Variants in ZNF354A observed in about 807,000 individuals in gnomAD.
The protein encoded by ZNF354A is epididymis luminal protein 104.
ZNF354A carries 25 observed loss-of-function variants against 53.3 expected under a neutral mutation model. The observed-to-expected ratio is 0.47, with a 90% confidence interval of 0.34 to 0.66. ZNF354A has a LOEUF of 0.66. ZNF354A is among the 30% of genes least tolerant of loss of function. The pLI, the probability that ZNF354A is intolerant of heterozygous loss-of-function variation, is 0.01. For synonymous variants in ZNF354A, 228 were observed against 249.0 expected (o/e 0.92, Z 0.79); for missense variants, 586 against 716.8 (o/e 0.82, Z 2.08).
intron 4 of ZNF354A, among the ~76,000 whole-genome samples, chr5:178,723,024 T>A (rs1024170274): frequency 6.6e-6 from 1 of 152,026 alleles, no homozygotes; most frequent in Non-Finnish European, 1.5e-5. Context: ...CATGACACAC[T>A]GCAGGGCGGC....
Position 178,717,876 on chromosome 5 carries a change from G to GAA in ZNF354A, c.257-4256_257-4255insTT, listed in dbSNP as rs1469387807. ...GAGGACTAAAAACTTAATCCTGATT[G>GAA]TGGCAAGACGGAGGTTGTTTGGGAT... On this transcript the variant is annotated intron_variant, in intron 4 of 4. Coordinates refer to ENST00000335815, the MANE Select transcript of ZNF354A (RefSeq NM_005649.3). Among the ~76,000 whole-genome samples, 5 of 152,168 alleles carry GAA rather than the reference G, an allele frequency of 3.3e-5. No homozygotes were observed. The South Asian group carries it at 1.0e-3, about 32-fold the overall frequency.
rs199874817 is a variant in ZNF354A at position 178,713,352 on chromosome 5, T to C, written c.526A>G (p.Arg176Gly). 3.8e-5 allele frequency: 61 copies of C among 1,614,094 alleles called. 1 individual carries two copies. In the South Asian group the frequency reaches 6.3e-4, roughly 17 times the overall value. The change falls in exon 5 of 5, where the codon AGG becomes GGG. Residue 176 changes from arginine (R) to glycine (G), a missense_variant. Physicochemically the swap from Arg to Gly is moderately radical, Grantham distance 125 (BLOSUM62 -2). Transcript: ENST00000335815. ...TTTTCTCTGGGAAGTATCTGTTGCC[T>C]AATAAGCACTGACTTTGGGCTGAAG... is the stretch of plus-strand genomic sequence containing the variant. Reference protein sequence around the residue: ...QNFSPKSVLIRQQILPREKTP... With the variant: ...QNFSPKSVLIGQQILPREKTP...
intron 3 of ZNF354A, 22 bp downstream of exon 3, chr5:178,726,977 T>C: frequency 6.3e-7 from 1 of 1,592,236 alleles, no homozygotes. Context: ...GAATTCTGTT[T>C]CTAGAGGGAA....
At chr5:178,714,194 A>G (rs1316412694) in intron 4 of ZNF354A, among the ~76,000 whole-genome samples, 1 of 151,946 alleles carries the variant, frequency 6.6e-6, no homozygotes, top group Non-Finnish European at 1.5e-5. Context: ...TAGTAGAGAC[A>G]GGGTTTCACC....
chr5:178,718,113 C>A (rs1157834683), intron 4 of ZNF354A, among the ~76,000 whole-genome samples: 1 of 152,200 alleles, frequency 6.6e-6, no homozygotes, highest in Admixed American at 6.5e-5. Flanking sequence ...CTGGAAAACT[C>A]ATCCCAACTC....
In ZNF354A at chr5:178,728,782, CAAAA is replaced by C. The variant is rs1157233878; in HGVS notation, c.33+204_33+207del. On this transcript the variant is annotated intron_variant, in intron 2 of 4. Transcript: ENST00000335815. ...ACTGCCTGGGCGACAAAGCGAGATT[CAAAA>C]AAAAAAAAAAAAAAGAGAACCACTA... Among the ~76,000 whole-genome samples the C allele has an allele frequency of 1.4e-4, 7 of 50,884 alleles. No individual in the cohort carries two copies. The East Asian group carries it at 2.9e-3, about 21-fold the overall frequency. 33.4% of individuals were successfully genotyped at this position (50,884 alleles called of 152,430 possible). A position where few individuals can be genotyped will look rare whatever the true frequency, so the allele number is the denominator to read the frequency against.
rs1172629071 is a variant in ZNF354A, at chr5:178,721,283, C to A, written c.256+4093G>T. Among the ~76,000 whole-genome samples, 3 of 152,192 alleles carry A rather than the reference C, an allele frequency of 2.0e-5. No individual in the cohort carries two copies. The East Asian group carries it at 5.8e-4, about 29-fold the overall frequency. ...CAAATCTAGATGGTATAGGCTACTA[C>A]ACACCTAGGCTATACCCCTATACAG... On this transcript the variant is annotated intron_variant, in intron 4 of 4. Transcript: ENST00000335815.
rs183565134 is a variant in ZNF354A at position 178,726,669 on chromosome 5, C to G, written c.160+330G>C. ...CAAGTGGGAAAGGCAGGTGGTAGGC[C>G]TAGAGGCTGAATGAAGCTCCCTGTT... On this transcript the variant is annotated intron_variant, in intron 3 of 4. Coordinates refer to ENST00000335815, the MANE Select transcript of ZNF354A (RefSeq NM_005649.3). Among the ~76,000 whole-genome samples, 238 of 141,030 alleles carry G rather than the reference C, an allele frequency of 1.7e-3. 3 individuals carry two copies. The highest frequency in any genetic ancestry group is 5.6e-3 in the African/African-American group (231 of 40,890). 92.5% of individuals were successfully genotyped at this position (141,030 alleles called of 152,430 possible).
rs997291383 is a variant in ZNF354A, at chr5:178,712,569, A to C, written c.1309T>G (p.Phe437Val). The change falls in exon 5 of 5, where the codon TTT becomes GTT. Residue 437 changes from phenylalanine to valine, a missense_variant. This residue lies in a region of ZNF354A where 573 missense variants were observed against 680.1 expected (regional missense o/e 0.84). Coordinates refer to ENST00000335815, the MANE Select transcript of ZNF354A (RefSeq NM_005649.3). ...RHRIIHTGEKFYNCNECGKAL... is the reference protein window; with the variant it reads ...RHRIIHTGEKVYNCNECGKAL... ...TTACCACATTCATTACAATTATAAA[A>C]CTTCTCTCCAGTATGAATGATTCGG... 1 of 1,613,984 alleles carries C rather than the reference A, an allele frequency of 6.2e-7. No individual in the cohort carries two copies. The highest frequency in any genetic ancestry group is 1.3e-5 in the African/African-American group (1 of 74,900).
chr5:178,719,612 C>A (rs1003777243), intron 4 of ZNF354A, among the ~76,000 whole-genome samples: 14 of 152,222 alleles, frequency 9.2e-5, no homozygotes, highest in Admixed American at 3.3e-4. Context: ...TCCACCCCCA[C>A]CTTATCCTAT....
At chr5:178,714,018 A>AT (rs556855447) in intron 4 of ZNF354A, among the ~76,000 whole-genome samples, 6 of 148,276 alleles carry the variant, frequency 4.0e-5, no homozygotes, top group Non-Finnish European at 6.0e-5. Flanking sequence ...TCTTTGTGTA[A>AT]TTTTTTTTGA....
intron 4 of ZNF354A, among the ~76,000 whole-genome samples, chr5:178,724,224 C>A (rs972247451): frequency 6.6e-6 from 1 of 151,456 alleles, no homozygotes; most frequent in African/African-American, 2.4e-5. Context: ...CAAGGCTTCC[C>A]GCCTTTTTTT....
At chr5:178,717,077 CAAAA>C (rs5873633) in intron 4 of ZNF354A, among the ~76,000 whole-genome samples, 3 of 65,520 alleles carry the variant, frequency 4.6e-5, no homozygotes, top group Non-Finnish European at 8.5e-5. Context: ...GACTCCATCT[CAAAA>C]AAAAAAAAAA....
chr5:178,725,519 G>T, intron 3 of ZNF354A, 48 bp from the exon 4 acceptor site: 1 of 1,574,792 alleles, frequency 6.4e-7, no homozygotes, highest in Non-Finnish European at 8.7e-7. Flanking sequence ...ACTTGGTTTT[G>T]TATTGATACA....
intron 4 of ZNF354A, among the ~76,000 whole-genome samples, chr5:178,714,510 T>C (rs1178486864): frequency 1.3e-5 from 2 of 152,216 alleles, no homozygotes; most frequent in South Asian, 2.1e-4. Context: ...TAGTATATTA[T>C]AGTTCTATAT....
At chr5:178,728,012 G>A (rs564563633) in intron 2 of ZNF354A, among the ~76,000 whole-genome samples, 7 of 152,206 alleles carry the variant, frequency 4.6e-5, no homozygotes, top group Non-Finnish European at 7.4e-5. Context: ...CACCATGCCC[G>A]GCTAATTTTT....
rs762737728 is a variant in ZNF354A at position 178,712,145 on chromosome 5, T to C, written c.1733A>G (p.Tyr578Cys). The C allele has an allele frequency of 7.4e-6, 12 of 1,614,060 alleles. No homozygotes were observed. Among genetic ancestry groups the C allele is most frequent in the Non-Finnish European group, 9.3e-6 (11 of 1,179,936 alleles). ...HQRIHTGEKPYECNTCGKLFN... is the reference protein window; with the variant it reads ...HQRIHTGEKPCECNTCGKLFN... ...AAGTTTCCCACATGTATTACATTCA[T>C]AGGGTTTCTCTCCAGTATGAATTCT... Residue 578 changes from tyrosine (Y) to cysteine (C), a missense_variant, in exon 5 of 5, where the codon TAT (tyrosine) becomes TGT (cysteine). Physicochemically the swap from Tyr to Cys is radical, Grantham distance 194. Transcript: ENST00000335815.
chr5:178,721,349 T>C (rs930152258), intron 4 of ZNF354A, among the ~76,000 whole-genome samples: 2 of 152,182 alleles, frequency 1.3e-5, no homozygotes, highest in African/African-American at 2.4e-5. Flanking sequence ...TGTAACACAA[T>C]TGTAAGTATT....
Position 178,712,514 on chromosome 5 carries a change from A to G in ZNF354A, c.1364T>C (p.Ile455Thr). Residue 455 changes from isoleucine (I) to threonine (T), a missense_variant, in exon 5 of 5, where the codon ATT (isoleucine) becomes ACT (threonine). By Grantham distance (89) the Ile-to-Thr change is moderately conservative (BLOSUM62 -1). Transcript: ENST00000335815. ...KALSSHSTLI[I>T]HERIHTGEKP... The stretch of plus-strand genomic sequence containing the variant: ...TTCTCCAGTATGAATTCGCTCGTGA[A>G]TAATAAGTGTTGAGTGGGAGCTTAA... 6.2e-7 allele frequency: 1 copy of G among 1,614,196 alleles called. No individual in the cohort carries two copies. Among genetic ancestry groups the G allele is most frequent in the Non-Finnish European group, 8.5e-7 (1 of 1,180,036 alleles).
Sources: allele counts gnomAD v4.1 joint callset (sites outside exome capture counted in the v4.1 genomes callset), GRCh38; gene constraint gnomAD v4.1.1; regional missense constraint gnomAD v4.1.1; transcripts MANE v1.5; gene names NCBI Gene and HGNC (gene_info 2026-07-23, HGNC 2026-07-21).